The following PGBD5 variants were observed in gnomAD, a reference collection of about 807,000 sequenced individuals.
PGBD5 encodes piggyBac transposable element derived 5.
A neutral mutation model predicts 47.9 loss-of-function variants in PGBD5; 14 were observed. That is an observed-to-expected ratio of 0.29 (90% CI 0.19 to 0.46). The LOEUF (loss-of-function observed/expected upper bound fraction) is 0.46. PGBD5 is among the 20% of genes least tolerant of loss of function. The pLI is 1.00. For synonymous variants in PGBD5, 316 were observed against 306.3 expected (o/e 1.03, Z -0.33); for missense variants, 635 against 716.0 (o/e 0.89, Z 1.29).
At position 230,315,945 on chromosome 1, in the gene PGBD5, TATACATACATAA is replaced by T. The variant is rs1206868175; in HGVS notation, c.*7468_*7479del. The T allele has an allele frequency of 2.6e-4, 32 of 121,918 alleles. No homozygotes were observed. The highest frequency in any genetic ancestry group is 9.2e-4 in the African/African-American group (30 of 32,534). The allele number at this position is 121,918 out of a possible 1,614,324, so 7.6% of individuals were successfully genotyped here. ...ATATGTGTACACATATATGTATGTG[TATACATACATAA>T]GTATATGTGTACACATATATGTATG... On this transcript the variant is annotated 3_prime_UTR_variant, in exon 7 of 7. Transcript: ENST00000391860.
chr1:230,336,872 G>A (rs1351252456), intron 4 of PGBD5, among the ~76,000 whole-genome samples: 2 of 152,178 alleles, frequency 1.3e-5, no homozygotes, highest in Non-Finnish European at 2.9e-5. Flanking sequence ...GCTTTGCGCC[G>A]ACATGTCCTC....
chr1:230,335,742 CAAAGACACACACAGATACACAGATACAG>C, intron 4 of PGBD5, among the ~76,000 whole-genome samples: 1 of 374 alleles, frequency 2.7e-3, no homozygotes, highest in Non-Finnish European at 5.4e-3. Flanking sequence ...CAGACTTACA[CAAAGACACACACAGATACACAGATACAG>C]ACAGACACAC....
intron 3 of PGBD5, among the ~76,000 whole-genome samples, chr1:230,339,500 C>T (rs1667378198): frequency 6.6e-6 from 1 of 152,226 alleles, no homozygotes; most frequent in Non-Finnish European, 1.5e-5. Context: ...AGTAATCTTA[C>T]TTCTGAGTAC....
chr1:230,404,992 T>A (rs945033353), intron 1 of PGBD5, among the ~76,000 whole-genome samples: 2 of 150,500 alleles, frequency 1.3e-5, no homozygotes, highest in African/African-American at 4.9e-5. Context: ...TTTTTTTTTT[T>A]TAAAAAGATA....
intron 3 of PGBD5, among the ~76,000 whole-genome samples, chr1:230,338,045 G>A (rs540847465): frequency 2.4e-4 from 36 of 152,268 alleles, no homozygotes; most frequent in African/African-American, 7.9e-4. Context: ...GTTGGACGAC[G>A]GTAAGTCACT....
In PGBD5 at chr1:230,323,412, T is replaced by C; in HGVS notation, c.*13A>G. 6.2e-7 allele frequency: 1 copy of C among 1,610,206 alleles called. No individual in the cohort carries two copies. Among genetic ancestry groups the C allele is most frequent in the Admixed American group, 1.7e-5 (1 of 59,634 alleles). On this transcript the variant is annotated 3_prime_UTR_variant, in exon 7 of 7. Transcript: ENST00000391860. The surrounding 1 kb of genome is among the most constrained non-coding windows in gnomAD (Gnocchi z 4.1). ...TCTTGCCCCTCCCTTGACCGAGTCCTGCGCCCCCAGCATCAGTGGGTCGGA... is the reference window on the plus strand; with the variant it reads ...TCTTGCCCCTCCCTTGACCGAGTCCCGCGCCCCCAGCATCAGTGGGTCGGA...
intron 1 of PGBD5, among the ~76,000 whole-genome samples, chr1:230,401,144 T>C (rs1414342122): frequency 1.3e-5 from 2 of 152,180 alleles, no homozygotes; most frequent in African/African-American, 4.8e-5. Context: ...AGGACAGGCA[T>C]TGGGCCGCAT....
intron 1 of PGBD5, among the ~76,000 whole-genome samples, chr1:230,398,404 CTT>C (rs59465274): frequency 0.2 from 30,433 of 152,070 alleles, 3,388 homozygotes; most frequent in East Asian, 0.37. Context: ...GTCCTCCTCT[CTT>C]CTTACTGGGA....
intron 1 of PGBD5, among the ~76,000 whole-genome samples, chr1:230,360,865 C>T (rs1034290468): frequency 3.9e-5 from 6 of 152,292 alleles, no homozygotes; most frequent in African/African-American, 7.2e-5. Context: ...AGATAAGACT[C>T]GGATCCGTTT....
At chr1:230,409,851 GAT>G (rs2102748923) in intron 1 of PGBD5, among the ~76,000 whole-genome samples, 1 of 151,674 alleles carries the variant, frequency 6.6e-6, no homozygotes, top group South Asian at 2.1e-4. Flanking sequence ...AAAAAAAAAG[GAT>G]AAACAACTTG....
chr1:230,360,127 G>T (rs567919469), intron 1 of PGBD5, among the ~76,000 whole-genome samples: 2 of 152,342 alleles, frequency 1.3e-5, no homozygotes, highest in South Asian at 4.1e-4. Context: ...TGCTGACGAA[G>T]CAGAATGGAA....
chr1:230,424,766 G>A (rs1657735372), intron 1 of PGBD5, among the ~76,000 whole-genome samples: 1 of 152,222 alleles, frequency 6.6e-6, no homozygotes, highest in Non-Finnish European at 1.5e-5. Context: ...CGGCTGGTCT[G>A]CAGCTTTCAA....
chr1:230,338,663 G>C (rs1466698284), intron 3 of PGBD5, among the ~76,000 whole-genome samples: 1 of 152,188 alleles, frequency 6.6e-6, no homozygotes, highest in East Asian at 1.9e-4. Flanking sequence ...AGCCAGGTGT[G>C]GTGGCAGATG....
chr1:230,364,002 G>A (rs975597144), intron 1 of PGBD5, among the ~76,000 whole-genome samples: 2 of 152,352 alleles, frequency 1.3e-5, no homozygotes, highest in East Asian at 3.9e-4. Flanking sequence ...TTGTGGCTGA[G>A]ATGAAGGACA....
In PGBD5 at chr1:230,425,855, C is replaced by G; in HGVS notation, c.74G>C (p.Ser25Thr). The G allele has an allele frequency of 8.3e-7, 1 of 1,199,444 alleles. No individual in the cohort carries two copies. The highest frequency in any genetic ancestry group is 1.0e-6 in the Non-Finnish European group (1 of 967,596). The allele number at this position is 1,199,444 out of a possible 1,614,324, so 74.3% of individuals were successfully genotyped here. ...LLEAARARYE[S>T]LHISDDVFGE... ...GAACACGTCGTCCGAGATGTGCAGG[C>G]TCTCGTAGCGCGCGCGGGCAGCCTC... The change falls in exon 1 of 7, where the codon AGC (serine) becomes ACC (threonine). Residue 25 changes from serine to threonine, a missense_variant. Coordinates refer to ENST00000391860, the MANE Select transcript of PGBD5 (RefSeq NM_001258311.2). This position sits in a 1 kb window ranked among gnomAD's most constrained non-coding sequence, Gnocchi z 4.7.
intron 1 of PGBD5, among the ~76,000 whole-genome samples, chr1:230,409,200 A>C (rs1199851256): frequency 6.6e-6 from 1 of 152,206 alleles, no homozygotes. Context: ...TCAAAACAAC[A>C]GGCATTAACA....
At chr1:230,327,631 C>A (rs1409646287) in intron 5 of PGBD5, among the ~76,000 whole-genome samples, 1 of 152,228 alleles carries the variant, frequency 6.6e-6, no homozygotes, top group East Asian at 1.9e-4. Context: ...ACTATGGCCT[C>A]CTTCACTTGC....
chr1:230,355,128 G>A (rs1037738627), intron 2 of PGBD5, among the ~76,000 whole-genome samples: 4 of 152,242 alleles, frequency 2.6e-5, no homozygotes, highest in South Asian at 2.1e-4. Flanking sequence ...CTGGTACCCC[G>A]GTACTGCCCA....
rs564093800 is a variant in PGBD5 at position 230,350,823 on chromosome 1, G to A, written c.894+135C>T. 3.9e-6 allele frequency: 5 copies of A among 1,292,932 alleles called. No homozygotes were observed. In the South Asian group the frequency reaches 7.7e-5, roughly 20 times the overall value. 80.1% of individuals were successfully genotyped at this position (1,292,932 alleles called of 1,614,324 possible). On this transcript the variant is annotated intron_variant, in intron 3 of 6. Transcript: ENST00000391860. ...CAGCCCAGCCCTGGCCTCCGCAGGA[G>A]CATCTGGGTGGACTTGGACCCACAG...
Sources: allele counts gnomAD v4.1 joint callset (sites outside exome capture counted in the v4.1 genomes callset), GRCh38; gene constraint gnomAD v4.1.1; non-coding constraint Gnocchi (gnomAD v3.1); transcripts MANE v1.5; gene names NCBI Gene and HGNC (gene_info 2026-07-23, HGNC 2026-07-21).